The following DDI1 variants were observed in gnomAD, a reference collection of about 807,000 sequenced individuals.
DDI1 encodes the protein DDI proteasomal shuttling factor 1.
DDI1 carries 6 observed loss-of-function variants against 7.2 expected under a neutral mutation model. The observed-to-expected ratio is 0.83, with a 90% CI of 0.46 to 1.64. DDI1 has a LOEUF of 1.64. Ranked by LOEUF, DDI1 falls within the 40% of genes most tolerant of loss-of-function variation. DDI1 has a pLI of 0.01. For missense variants in DDI1, 502 were observed against 516.6 expected, an observed-to-expected ratio of 0.97 and a Z score of 0.27; for synonymous variants, 221 against 201.7, an observed-to-expected ratio of 1.10 and a Z score of -0.81.
Position 104,036,717 on chromosome 11 carries a change from A to T in DDI1, c.-106A>T. ...AGGTGAATGAGCCCGGACGGTCCCT[A>T]CCTACCAAGTCCTGAGGAGCAGCGG... On this transcript the variant is annotated 5_prime_UTR_variant, in exon 1 of 1. Coordinates refer to ENST00000302259, the MANE Select transcript of DDI1 (RefSeq NM_001001711.3). 2 of 858,478 alleles carry T rather than the reference A, an allele frequency of 2.3e-6. No homozygotes were observed. The highest frequency in any genetic ancestry group is 1.6e-5 in the South Asian group (1 of 63,962). The allele number at this position is 858,478 out of a possible 1,614,324, so 53.2% of individuals were successfully genotyped here.
At position 104,036,945 on chromosome 11, in the gene DDI1, C is replaced by A. The variant is rs138352725; in HGVS notation, c.123C>A (p.Pro41=). 8.7e-6 allele frequency: 14 copies of A among 1,614,080 alleles called. No individual in the cohort carries two copies. The African/African-American group carries it at 1.6e-4, about 18-fold the overall frequency. Residue 41 remains proline (P), a synonymous_variant, in exon 1 of 1, where the codon CCC becomes CCA. Coordinates refer to ENST00000302259, the MANE Select transcript of DDI1 (RefSeq NM_001001711.3). Reference sequence around the variant, plus strand: ...TCTGCGAAGCGGAGTCCAGAGTCCCCGTCGAAGAGATCCAGATCATCCACA... The same window carrying A: ...TCTGCGAAGCGGAGTCCAGAGTCCCAGTCGAAGAGATCCAGATCATCCACA... ...KVLCEAESRV[P]VEEIQIIHME...
Position 104,037,143 on chromosome 11 carries a change from C to T in DDI1, c.321C>T (p.Ser107=), listed in dbSNP as rs1860257852. 1.9e-6 allele frequency: 3 copies of T among 1,613,700 alleles called. No homozygotes were observed. The highest frequency in any genetic ancestry group is 3.3e-5 in the Admixed American group (2 of 60,002). ...SGIAVPGTSS[S]RPQHPGQQQQ... ...TTGCGGTGCCTGGGACGTCCAGCTC[C>T]CGTCCACAGCACCCTGGACAGCAGC... Residue 107 remains serine, a synonymous_variant, in exon 1 of 1, where the codon TCC becomes TCT. Transcript: ENST00000302259.
rs762491715 is a variant in DDI1, at chr11:104,036,847, C to T, written c.25C>T (p.Arg9Trp). The T allele has an allele frequency of 4.3e-6, 7 of 1,614,000 alleles. No homozygotes were observed. In the South Asian group the frequency reaches 4.4e-5, roughly 10 times the overall value. MLITVYCV[R>W]RDLSEVTFSL... ...CATGCTGATCACCGTGTACTGCGTG[C>T]GGAGGGACCTCTCCGAGGTCACCTT... Residue 9 changes from arginine to tryptophan, a missense_variant, in exon 1 of 1, where the codon CGG (arginine) becomes TGG (tryptophan). Arg to Trp is a moderately radical substitution (Grantham distance 101, BLOSUM62 -3). Coordinates refer to ENST00000302259, the MANE Select transcript of DDI1 (RefSeq NM_001001711.3).
Position 104,036,856 on chromosome 11 carries a change from C to A in DDI1, c.34C>A (p.Leu12Ile), listed in dbSNP as rs1320650423. 1.2e-6 allele frequency: 2 copies of A among 1,613,994 alleles called. No individual in the cohort carries two copies. The highest frequency in any genetic ancestry group is 2.2e-5 in the East Asian group (1 of 44,868). ...CACCGTGTACTGCGTGCGGAGGGAC[C>A]TCTCCGAGGTCACCTTCTCTCTCCA... is the stretch of plus-strand genomic sequence containing the variant. ...LITVYCVRRDLSEVTFSLQVS... is the reference protein window; with the variant it reads ...LITVYCVRRDISEVTFSLQVS... Residue 12 changes from leucine to isoleucine, a missense_variant, in exon 1 of 1, where the codon CTC (leucine) becomes ATC (isoleucine). Coordinates refer to ENST00000302259, the MANE Select transcript of DDI1 (RefSeq NM_001001711.3).
chr11:104,036,709 C>T lies in DDI1; in HGVS notation c.-114C>T. 1 of 796,852 alleles carries T rather than the reference C, an allele frequency of 1.3e-6. No individual in the cohort carries two copies. The highest frequency in any genetic ancestry group is 2.1e-6 in the Non-Finnish European group (1 of 486,144). The allele number at this position is 796,852 out of a possible 1,614,324, so 49.4% of individuals were successfully genotyped here. ...TCTCTGAGAGGTGAATGAGCCCGGA[C>T]GGTCCCTACCTACCAAGTCCTGAGG... is the stretch of plus-strand genomic sequence containing the variant. On this transcript the variant is annotated 5_prime_UTR_variant, in exon 1 of 1. It adds an upstream start codon to the 5' untranslated region. Coordinates refer to ENST00000302259, the MANE Select transcript of DDI1 (RefSeq NM_001001711.3).
At position 104,037,366 on chromosome 11, in the gene DDI1, G is replaced by C; in HGVS notation, c.544G>C (p.Val182Leu). ...CGGAAGCCTTGAGACCTTTTCTCAG[G>C]TGCTGATGGAGCAGCAAAGGGAAAA... ...LSGSLETFSQ[V>L]LMEQQREKAL... is the part of the protein sequence containing the mutation. Residue 182 changes from valine (V) to leucine (L), a missense_variant, in exon 1 of 1, where the codon GTG becomes CTG. Val to Leu is a conservative substitution (Grantham distance 32). Coordinates refer to ENST00000302259, the MANE Select transcript of DDI1 (RefSeq NM_001001711.3). 6.2e-7 allele frequency: 1 copy of C among 1,614,154 alleles called. No individual in the cohort carries two copies. Among genetic ancestry groups the C allele is most frequent in the South Asian group, 1.1e-5 (1 of 91,088 alleles).
rs1275423022 is a variant in DDI1 at position 104,037,196 on chromosome 11, C to T, written c.374C>T (p.Ser125Leu). The part of the protein sequence containing the change: ...QQQRTPAAQR[S>L]QGLASGEKVA... ...CAGCGCACACCCGCTGCCCAGCGGTCACAGGGCTTGGCGTCAGGAGAGAAG... is the reference window on the plus strand; with the variant it reads ...CAGCGCACACCCGCTGCCCAGCGGTTACAGGGCTTGGCGTCAGGAGAGAAG... The change falls in exon 1 of 1, where the codon TCA (serine) becomes TTA (leucine). Residue 125 changes from serine (S) to leucine (L), a missense_variant. Coordinates refer to ENST00000302259, the MANE Select transcript of DDI1 (RefSeq NM_001001711.3). The T allele has an allele frequency of 6.2e-7, 1 of 1,613,740 alleles. No homozygotes were observed. Among genetic ancestry groups the T allele is most frequent in the Non-Finnish European group, 8.5e-7 (1 of 1,180,006 alleles).
rs1242336085 is a variant in DDI1, at chr11:104,036,895, T to A, written c.73T>A (p.Phe25Ile). 1.2e-6 allele frequency: 2 copies of A among 1,614,142 alleles called. No individual in the cohort carries two copies. Among genetic ancestry groups the A allele is most frequent in the Admixed American group, 3.3e-5 (2 of 60,014 alleles). The change falls in exon 1 of 1, where the codon TTT becomes ATT. Residue 25 changes from phenylalanine to isoleucine, a missense_variant. Phe to Ile is a conservative substitution (Grantham distance 21). Transcript: ENST00000302259. ...CTTCTCTCTCCAGGTCAGCCCCGACTTTGAGCTCCGAAACTTCAAGGTCCT... is the reference window on the plus strand; with the variant it reads ...CTTCTCTCTCCAGGTCAGCCCCGACATTGAGCTCCGAAACTTCAAGGTCCT... ...VTFSLQVSPD[F>I]ELRNFKVLCE...
Position 104,038,982 on chromosome 11 carries a change from G to C in DDI1, c.*969G>C, listed in dbSNP as rs922407587. On this transcript the variant is annotated 3_prime_UTR_variant, in exon 1 of 1. Coordinates refer to ENST00000302259, the MANE Select transcript of DDI1 (RefSeq NM_001001711.3). ...ACATTTGAAAACTTTTGAATGAGAA[G>C]ATCTCTAAGGCCTCATTCAGAATTA... 1.2e-5 allele frequency: 2 copies of C among 167,028 alleles called. No homozygotes were observed. Among genetic ancestry groups the C allele is most frequent in the African/African-American group, 4.8e-5 (2 of 41,436 alleles). The allele number at this position is 167,028 out of a possible 1,614,324, so 10.3% of individuals were successfully genotyped here.
chr11:104,036,991 G>T lies in DDI1; in HGVS notation c.169G>T (p.Asp57Tyr). 1 of 1,614,248 alleles carries T rather than the reference G, an allele frequency of 6.2e-7. No homozygotes were observed. Among genetic ancestry groups the T allele is most frequent in the South Asian group, 1.1e-5 (1 of 91,088 alleles). Residue 57 changes from aspartate to tyrosine, a missense_variant, in exon 1 of 1, where the codon GAC becomes TAC. Asp to Tyr is a radical substitution (Grantham distance 160). Transcript: ENST00000302259. ...IIHMERLLIE[D>Y]HCSLGSYGLK... ...CCACATGGAGCGACTCCTCATCGAG[G>T]ACCACTGTTCCCTGGGCTCCTACGG...
In DDI1 at chr11:104,036,976, C is replaced by T. The variant is rs375454517; in HGVS notation, c.154C>T (p.Arg52Ter). ...AGAGATCCAGATCATCCACATGGAG[C>T]GACTCCTCATCGAGGACCACTGTTC... ...VEEIQIIHME[R>*]LLIEDHCSLG... Residue 52 changes from arginine (R) to a stop codon, truncating the protein, a stop_gained, in exon 1 of 1, where the codon CGA becomes TGA. Transcript: ENST00000302259. LOFTEE classifies it low-confidence loss of function (END_TRUNC). 2.5e-5 allele frequency: 41 copies of T among 1,614,108 alleles called. No individual in the cohort carries two copies. The highest frequency in any genetic ancestry group is 3.1e-5 in the Non-Finnish European group (36 of 1,180,032).
In DDI1 at chr11:104,037,455, G is replaced by A; in HGVS notation, c.633G>A (p.Gln211=). The change falls in exon 1 of 1, where the codon CAG becomes CAA. Residue 211 remains glutamine, a synonymous_variant. Transcript: ENST00000302259. ...CCGACCCACTGGATCGGGAAGCTCA[G>A]GCCAAAATAGAAGAGGAAATCCGGC... is the stretch of plus-strand genomic sequence containing the variant. ...YTADPLDREA[Q]AKIEEEIRQQ... The A allele has an allele frequency of 6.2e-7, 1 of 1,614,120 alleles. No homozygotes were observed. The highest frequency in any genetic ancestry group is 8.5e-7 in the Non-Finnish European group (1 of 1,180,026).
At position 104,037,918 on chromosome 11, in the gene DDI1, T is replaced by G; in HGVS notation, c.1096T>G (p.Leu366Val). Residue 366 changes from leucine to valine, a missense_variant, in exon 1 of 1, where the codon TTG becomes GTG. Coordinates refer to ENST00000302259, the MANE Select transcript of DDI1 (RefSeq NM_001001711.3). ...TQTYFLPEGE[L>V]PLCSRMVSGQ... Reference sequence around the variant, plus strand: ...GACTTATTTTCTTCCTGAGGGAGAGTTGCCCTTATGCTCTAGGATGGTAAG... The same window carrying G: ...GACTTATTTTCTTCCTGAGGGAGAGGTGCCCTTATGCTCTAGGATGGTAAG... 6.2e-7 allele frequency: 1 copy of G among 1,613,530 alleles called. No individual in the cohort carries two copies. The highest frequency in any genetic ancestry group is 8.5e-7 in the Non-Finnish European group (1 of 1,179,890).
chr11:104,037,668 G>A lies in DDI1; in HGVS notation c.846G>A (p.Val282=), dbSNP rs1860274062. ...CAERCNIMRL[V]DRRWAGVAKG... ...AGCGATGTAACATCATGAGGCTGGT[G>A]GACCGACGGTGGGCTGGGGTTGCTA... The change falls in exon 1 of 1, where the codon GTG becomes GTA. Residue 282 remains valine, a synonymous_variant. Coordinates refer to ENST00000302259, the MANE Select transcript of DDI1 (RefSeq NM_001001711.3). 6.2e-7 allele frequency: 1 copy of A among 1,614,172 alleles called. No individual in the cohort carries two copies. Among genetic ancestry groups the A allele is most frequent in the Non-Finnish European group, 8.5e-7 (1 of 1,180,044 alleles).
At position 104,037,876 on chromosome 11, in the gene DDI1, G is replaced by A. The variant is rs745549606; in HGVS notation, c.1054G>A (p.Gly352Ser). 36 of 1,614,004 alleles carry A rather than the reference G, an allele frequency of 2.2e-5. No homozygotes were observed. Among genetic ancestry groups the A allele is most frequent in the South Asian group, 2.1e-4 (19 of 91,070 alleles). Residue 352 changes from glycine (G) to serine (S), a missense_variant, in exon 1 of 1, where the codon GGC (glycine) becomes AGC (serine). Transcript: ENST00000302259. The part of the protein sequence containing the change: ...IDLKKNVLVI[G>S]TTGTQTYFLP... ...TTTGAAGAAAAATGTGCTGGTCATC[G>A]GCACCACTGGCACGCAGACTTATTT...
rs757644414 is a variant in DDI1 at position 104,037,112 on chromosome 11, G to A, written c.290G>A (p.Ser97Asn). 1 of 1,614,144 alleles carries A rather than the reference G, an allele frequency of 6.2e-7. No individual in the cohort carries two copies. Among genetic ancestry groups the A allele is most frequent in the Non-Finnish European group, 8.5e-7 (1 of 1,180,036 alleles). Reference sequence around the variant, plus strand: ...CCGAACCAGCCTCGTGTAGACTTCAGTGGCATTGCGGTGCCTGGGACGTCC... The same window carrying A: ...CCGAACCAGCCTCGTGTAGACTTCAATGGCATTGCGGTGCCTGGGACGTCC... ...RAPNQPRVDFSGIAVPGTSSS... is the reference protein window; with the variant it reads ...RAPNQPRVDFNGIAVPGTSSS... Residue 97 changes from serine to asparagine, a missense_variant, in exon 1 of 1, where the codon AGT becomes AAT. Ser to Asn is a conservative substitution (Grantham distance 46, BLOSUM62 1). Coordinates refer to ENST00000302259, the MANE Select transcript of DDI1 (RefSeq NM_001001711.3).
chr11:104,036,865 G>A lies in DDI1; in HGVS notation c.43G>A (p.Val15Ile). The A allele has an allele frequency of 3.7e-6, 6 of 1,614,096 alleles. No homozygotes were observed. The highest frequency in any genetic ancestry group is 5.1e-6 in the Non-Finnish European group (6 of 1,180,026). ...VYCVRRDLSE[V>I]TFSLQVSPDF... Reference sequence around the variant, plus strand: ...CTGCGTGCGGAGGGACCTCTCCGAGGTCACCTTCTCTCTCCAGGTCAGCCC... The same window carrying A: ...CTGCGTGCGGAGGGACCTCTCCGAGATCACCTTCTCTCTCCAGGTCAGCCC... Residue 15 changes from valine (V) to isoleucine (I), a missense_variant, in exon 1 of 1, where the codon GTC (valine) becomes ATC (isoleucine). By Grantham distance (29) the Val-to-Ile change is conservative. Transcript: ENST00000302259.
chr11:104,038,358 T>C lies in DDI1; in HGVS notation c.*345T>C, dbSNP rs1860289119. On this transcript the variant is annotated 3_prime_UTR_variant, in exon 1 of 1. Transcript: ENST00000302259. ...TCCAAATCATTGCTATTTTGCAGAATTCCCTGGAAAAATGCTATGGCTGCA... is the reference window on the plus strand; with the variant it reads ...TCCAAATCATTGCTATTTTGCAGAACTCCCTGGAAAAATGCTATGGCTGCA... The C allele has an allele frequency of 4.5e-6, 1 of 220,896 alleles. No individual in the cohort carries two copies. The highest frequency in any genetic ancestry group is 9.9e-6 in the Non-Finnish European group (1 of 100,896). 13.7% of individuals were successfully genotyped at this position (220,896 alleles called of 1,614,324 possible).
Position 104,037,962 on chromosome 11 carries a change from G to A in DDI1, c.1140G>A (p.Ser380=), listed in dbSNP as rs115179914. The change falls in exon 1 of 1, where the codon TCG becomes TCA. Residue 380 remains serine (S), a synonymous_variant. Coordinates refer to ENST00000302259, the MANE Select transcript of DDI1 (RefSeq NM_001001711.3). ...TGGTAAGTGGGCAAGATGAGTCTTCGGACAAGGAAATTACACATTCAGTCA... is the reference window on the plus strand; with the variant it reads ...TGGTAAGTGGGCAAGATGAGTCTTCAGACAAGGAAATTACACATTCAGTCA... The part of the protein sequence containing the change: ...SRMVSGQDES[S]DKEITHSVMD... The A allele has an allele frequency of 7.0e-5, 113 of 1,613,980 alleles. No individual in the cohort carries two copies. The highest frequency in any genetic ancestry group is 8.6e-5 in the Non-Finnish European group (102 of 1,179,986).
Sources: allele counts gnomAD v4.1 joint callset, GRCh38; gene constraint gnomAD v4.1.1; transcripts MANE v1.5; gene names NCBI Gene and HGNC (gene_info 2026-07-23, HGNC 2026-07-21).